The following AOPEP variants were observed in gnomAD, a reference collection of about 807,000 sequenced individuals.
The protein encoded by AOPEP is aminopeptidase O.
Under a neutral mutation model 98.1 loss-of-function variants are expected in AOPEP, and 77 were observed. The observed-to-expected ratio is 0.78, with a 90% CI of 0.65 to 0.95. The LOEUF is 0.95. Ranked by LOEUF, AOPEP falls within the 40% of genes least tolerant of loss-of-function variation. AOPEP has a pLI of 0.00. For missense variants in AOPEP, 1,024 were observed against 1,024.7 expected (o/e 1.00, Z 0.01); for synonymous variants, 346 against 365.3 (o/e 0.95, Z 0.60).
intron 13 of AOPEP, among the ~76,000 whole-genome samples, chr9:95,022,997 A>C (rs1271313178): frequency 6.6e-6 from 1 of 152,160 alleles, no homozygotes; most frequent in African/African-American, 2.4e-5. Context: ...TTGTGATCAG[A>C]CAAACTGATT....
chr9:94,759,539 C>T, intron 1 of AOPEP, 110 bp from the exon 2 acceptor site: 1 of 462,798 alleles, frequency 2.2e-6, no homozygotes, highest in Non-Finnish European at 3.8e-6. Flanking sequence ...TGAGCATCTA[C>T]CGCTTGGGGG....
chr9:94,866,668 A>T (rs566089827), intron 5 of AOPEP, among the ~76,000 whole-genome samples: 2 of 152,326 alleles, frequency 1.3e-5, no homozygotes, highest in African/African-American at 4.8e-5. Context: ...TAGGATTTTT[A>T]TAAAAACAAT....
intron 5 of AOPEP, among the ~76,000 whole-genome samples, chr9:94,910,010 C>G (rs1175983214): frequency 3.3e-5 from 5 of 152,140 alleles, no homozygotes. Flanking sequence ...GCTAGCACAT[C>G]CATACTCCCC....
intron 5 of AOPEP, among the ~76,000 whole-genome samples, chr9:94,886,529 C>T (rs1387194804): frequency 6.6e-6 from 1 of 152,088 alleles, no homozygotes; most frequent in South Asian, 2.1e-4. Context: ...ATAAATGGCT[C>T]ACTATGAATT....
chr9:94,820,206 A>G (rs998354518), intron 5 of AOPEP, among the ~76,000 whole-genome samples: 4 of 151,612 alleles, frequency 2.6e-5, no homozygotes, highest in African/African-American at 9.7e-5. Flanking sequence ...TTGGCCTCCC[A>G]AAGTGCTGGG....
the AOPEP span, among the ~76,000 whole-genome samples, chr9:95,124,291 C>T: frequency 9.9e-5 from 15 of 152,062 alleles, no homozygotes; most frequent in African/African-American, 3.4e-4. Context: ...ACCAGCACCA[C>T]TCTCGACAGG....
the AOPEP span, among the ~76,000 whole-genome samples, chr9:95,094,882 T>C: frequency 6.6e-6 from 1 of 152,202 alleles, no homozygotes; most frequent in Non-Finnish European, 1.5e-5. Context: ...GCCAGGCTGG[T>C]CTTGAACTCC....
the AOPEP span, among the ~76,000 whole-genome samples, chr9:95,094,628 A>G: frequency 6.6e-6 from 1 of 152,186 alleles, no homozygotes; most frequent in African/African-American, 2.4e-5. Flanking sequence ...AAAGTCTTCC[A>G]GGTTCCTCCA....
chr9:95,117,504 C>A, the AOPEP span: 2 of 764,046 alleles, frequency 2.6e-6, no homozygotes, highest in South Asian at 3.0e-5. Context: ...CTAACATGGT[C>A]AGAACACTTT....
At chr9:95,142,757 C>G in the AOPEP span, among the ~76,000 whole-genome samples, 1 of 152,192 alleles carries the variant, frequency 6.6e-6, no homozygotes, top group Non-Finnish European at 1.5e-5. Context: ...ACACTCAGAG[C>G]CACCCCGAGC....
At chr9:94,900,821 T>C (rs2050295539) in intron 5 of AOPEP, 1 of 152,218 alleles carries the variant, frequency 6.6e-6, no homozygotes, top group African/African-American at 2.4e-5. Flanking sequence ...GAGTTCTGGA[T>C]AGATCTGCGA....
At chr9:94,796,365 G>A (rs569384198) in intron 4 of AOPEP, among the ~76,000 whole-genome samples, 2 of 152,336 alleles carry the variant, frequency 1.3e-5, no homozygotes, top group East Asian at 3.9e-4. Context: ...CACTTCATGT[G>A]TGCTGTCTTT....
At chr9:95,090,236 A>G (rs1402892872), downstream of AOPEP, among the ~76,000 whole-genome samples, 1 of 152,210 alleles carries the variant, frequency 6.6e-6, no homozygotes, top group Admixed American at 6.5e-5. Flanking sequence ...GCCAGGTTTA[A>G]TAAAAGATCA....
At chr9:94,909,062 A>G (rs1194789939) in intron 5 of AOPEP, among the ~76,000 whole-genome samples, 2 of 152,140 alleles carry the variant, frequency 1.3e-5, no homozygotes, top group Non-Finnish European at 1.5e-5. Context: ...AAAAACACAC[A>G]CTTGCTTTGG....
At chr9:95,142,712 G>T in the AOPEP span, among the ~76,000 whole-genome samples, 1 of 152,162 alleles carries the variant, frequency 6.6e-6, no homozygotes, top group African/African-American at 2.4e-5. Flanking sequence ...GAAGTGGCAT[G>T]GTCTAGATTT....
intron 3 of AOPEP, among the ~76,000 whole-genome samples, chr9:94,786,862 C>T (rs1439693802): frequency 6.6e-6 from 1 of 152,194 alleles, no homozygotes; most frequent in Admixed American, 6.5e-5. Context: ...TTATTTGGCC[C>T]AGCCAATTGA....
At chr9:95,063,156 C>T (rs1457824781) in intron 14 of AOPEP, among the ~76,000 whole-genome samples, 1 of 152,196 alleles carries the variant, frequency 6.6e-6, no homozygotes, top group Non-Finnish European at 1.5e-5. Flanking sequence ...CACAGAAGCA[C>T]CTTGTCTTTC....
chr9:94,911,832 C>G (rs1389475083), intron 5 of AOPEP, among the ~76,000 whole-genome samples: 2 of 152,138 alleles, frequency 1.3e-5, no homozygotes, highest in Non-Finnish European at 2.9e-5. Context: ...AAAGATGGAC[C>G]TCCCAGGGTA....
At chr9:95,065,451 AGGGGGC>A (rs2067787342) in intron 14 of AOPEP, 1 of 152,242 alleles carries the variant, frequency 6.6e-6, no homozygotes, top group Admixed American at 6.5e-5. Flanking sequence ...GGTGATGTCC[AGGGGGC>A]CCACCCAGGC....
Sources: gnomAD v4.1 joint callset for allele counts (sites outside exome capture counted in the v4.1 genomes callset) on GRCh38, gnomAD v4.1.1 for gene constraint, MANE v1.5 for transcripts, NCBI Gene and HGNC (gene_info 2026-07-23, HGNC 2026-07-21) for gene names.